Variants in EGFLAM observed in about 807,000 individuals in gnomAD.
EGFLAM encodes EGF like, fibronectin type III and laminin G domains, also known as pikachurin.
A neutral mutation model predicts 113.1 loss-of-function variants in EGFLAM; 79 were observed. The observed-to-expected ratio is 0.70, with a 90% CI of 0.58 to 0.84. EGFLAM has a LOEUF of 0.84. Among genes scored for constraint, EGFLAM ranks in the 40% least tolerant of loss-of-function variants. The probability of loss-of-function intolerance (pLI) is 0.00; values close to 1 mark genes in which losing one functional copy is unlikely to be tolerated. For synonymous variants in EGFLAM, 504 were observed against 487.6 expected, an observed-to-expected ratio of 1.03 and a Z score of -0.44; for missense variants, 1,265 against 1,291.6, an observed-to-expected ratio of 0.98 and a Z score of 0.32.
chr5:38,263,369 C>A (rs182011435), intron 1 of EGFLAM, among the ~76,000 whole-genome samples: 1 of 152,002 alleles, frequency 6.6e-6, no homozygotes, highest in African/African-American at 2.4e-5. Flanking sequence ...GGCTGAGGCA[C>A]GAGAATCACT....
intron 6 of EGFLAM, among the ~76,000 whole-genome samples, chr5:38,386,224 G>A (rs1298561778): frequency 1.3e-5 from 2 of 152,178 alleles, no homozygotes; most frequent in African/African-American, 4.8e-5. Flanking sequence ...ATACTTTGTT[G>A]TTGTTGTTGT....
At chr5:38,315,455 A>G (rs1174587280) in intron 1 of EGFLAM, among the ~76,000 whole-genome samples, 2 of 152,236 alleles carry the variant, frequency 1.3e-5, no homozygotes, top group Non-Finnish European at 2.9e-5. Flanking sequence ...CGCACAATAT[A>G]TAAGTGCATT....
intron 1 of EGFLAM, among the ~76,000 whole-genome samples, chr5:38,316,635 T>C (rs530364413): frequency 2.0e-5 from 3 of 152,304 alleles, no homozygotes; most frequent in Non-Finnish European, 4.4e-5. Flanking sequence ...TTAAAGATTC[T>C]GCATCTCTTC....
At chr5:38,264,839 C>T (rs1044489313) in intron 1 of EGFLAM, among the ~76,000 whole-genome samples, 2 of 152,202 alleles carry the variant, frequency 1.3e-5, no homozygotes, top group African/African-American at 4.8e-5. Flanking sequence ...GCACACTCAT[C>T]CCCAGCACCC....
At chr5:38,269,925 C>G (rs1757727220) in intron 1 of EGFLAM, among the ~76,000 whole-genome samples, 1 of 152,216 alleles carries the variant, frequency 6.6e-6, no homozygotes, top group South Asian at 2.1e-4. Context: ...CATCCAGCCT[C>G]TAGCCCTTGT....
chr5:38,372,211 C>T (rs1268091021), intron 6 of EGFLAM, among the ~76,000 whole-genome samples: 4 of 151,738 alleles, frequency 2.6e-5, no homozygotes, highest in South Asian at 2.1e-4. Context: ...GGCGCGATCT[C>T]GGCTCACTGC....
intron 12 of EGFLAM, 53 bp downstream of exon 12, chr5:38,418,308 G>A: frequency 1.3e-6 from 2 of 1,589,512 alleles, no homozygotes; most frequent in South Asian, 2.3e-5. Context: ...ATGTCTTATG[G>A]GACTGCCTTT....
At chr5:38,276,531 A>C (rs1161304834) in intron 1 of EGFLAM, among the ~76,000 whole-genome samples, 1 of 152,162 alleles carries the variant, frequency 6.6e-6, no homozygotes, top group African/African-American at 2.4e-5. Context: ...AAGAACAAGA[A>C]AATAAACTAA....
intron 5 of EGFLAM, among the ~76,000 whole-genome samples, chr5:38,352,925 G>T (rs1334154117): frequency 6.6e-6 from 1 of 152,166 alleles, no homozygotes; most frequent in Non-Finnish European, 1.5e-5. Context: ...TTTCTGATAA[G>T]CCTGCCTACA....
intron 6 of EGFLAM, among the ~76,000 whole-genome samples, chr5:38,387,747 T>C (rs908017043): frequency 3.3e-5 from 5 of 152,268 alleles, no homozygotes; most frequent in Non-Finnish European, 7.3e-5. Context: ...GAGAACCAGT[T>C]ACTCTTGCTT....
intron 6 of EGFLAM, 100 bp from the exon 7 acceptor site, chr5:38,406,026 C>A: frequency 1.1e-6 from 1 of 891,078 alleles, no homozygotes. Context: ...CAATACACTG[C>A]GTTCCATTCG....
chr5:38,372,748 T>C (rs116150317), intron 6 of EGFLAM, among the ~76,000 whole-genome samples: 2,650 of 152,330 alleles, frequency 0.017, 39 homozygotes, highest in Non-Finnish European at 0.029. Flanking sequence ...GTATACACAG[T>C]TACTCAGATC....
At chr5:38,348,404 G>A (rs968045451) in intron 3 of EGFLAM, among the ~76,000 whole-genome samples, 2 of 152,132 alleles carry the variant, frequency 1.3e-5, no homozygotes, top group African/African-American at 4.8e-5. Context: ...GGTGGATGGA[G>A]GGTATTGGAA....
chr5:38,382,094 A>G (rs115758089), intron 6 of EGFLAM, among the ~76,000 whole-genome samples: 1,676 of 152,332 alleles, frequency 0.011, 26 homozygotes, highest in African/African-American at 0.038. Context: ...ATTGTGCTCT[A>G]TAATGCTTAT....
chr5:38,430,907 G>A (rs528895844), intron 14 of EGFLAM, among the ~76,000 whole-genome samples: 1 of 152,288 alleles, frequency 6.6e-6, no homozygotes, highest in South Asian at 2.1e-4. Context: ...TGATGTTCAA[G>A]GCTAGAGAAG....
intron 17 of EGFLAM, 171 bp from the exon 18 acceptor site, chr5:38,448,130 G>C (rs1579946656): frequency 1.5e-6 from 1 of 670,566 alleles, no homozygotes; most frequent in Non-Finnish European, 2.6e-6. Context: ...CCCAGGCCAT[G>C]GGGTTGGGCA....
chr5:38,362,548 AG>A (rs1481486766), intron 5 of EGFLAM, among the ~76,000 whole-genome samples: 1 of 152,218 alleles, frequency 6.6e-6, no homozygotes, highest in Non-Finnish European at 1.5e-5. Flanking sequence ...AAGTGTTAGA[AG>A]TTTTGCTATT....
intron 1 of EGFLAM, among the ~76,000 whole-genome samples, chr5:38,331,555 CTT>C (rs1739043201): frequency 6.6e-6 from 1 of 152,062 alleles, no homozygotes; most frequent in African/African-American, 2.4e-5. Context: ...GATGTGGAAA[CTT>C]TGAGGATTGA....
rs149580988 is a variant in EGFLAM at position 38,334,401 on chromosome 5, T to C, written c.98-3119T>C. ...TGGTGAAGGCTCACTTTCTGGCCCA[T>C]AGACAGCTGTCTTCTTGCTGTGTCT... On this transcript the variant is annotated intron_variant, in intron 1 of 21. Coordinates refer to ENST00000322350, the MANE Select transcript of EGFLAM (RefSeq NM_152403.4). Among the ~76,000 whole-genome samples, 476 of 152,266 alleles carry C rather than the reference T, an allele frequency of 3.1e-3. 1 individual carries two copies. The highest frequency in any genetic ancestry group is 0.011 in the African/African-American group (455 of 41,554).
Sources: gnomAD v4.1 joint callset for allele counts (sites outside exome capture counted in the v4.1 genomes callset) on GRCh38, gnomAD v4.1.1 for gene constraint, MANE v1.5 for transcripts, NCBI Gene and HGNC (gene_info 2026-07-23, HGNC 2026-07-21) for gene names.